TANC2: variants seen among roughly 807,000 people sequenced by gnomAD.
TANC2 encodes protein TANC2.
In TANC2, 26 loss-of-function variants were observed where a neutral mutation model predicts 210.5. That is an observed-to-expected ratio of 0.12 (90% CI 0.09 to 0.17). The LOEUF (loss-of-function observed/expected upper bound fraction) is 0.17. Among genes scored for constraint, TANC2 ranks in the 10% least tolerant of loss-of-function variants. The pLI is 1.00. For missense variants in TANC2, 2,129 were observed against 2,608.9 expected (o/e 0.82, Z 4.01); for synonymous variants, 931 against 967.1 (o/e 0.96, Z 0.69).
intron 2 of TANC2, among the ~76,000 whole-genome samples, chr17:63,042,959 C>T (rs2035246455): frequency 6.6e-6 from 1 of 151,986 alleles, no homozygotes. Flanking sequence ...TACAAAGTAA[C>T]AACATCCATA....
intron 2 of TANC2, among the ~76,000 whole-genome samples, chr17:63,010,234 A>G (rs2033804825): frequency 6.6e-6 from 1 of 152,094 alleles, no homozygotes. Context: ...CAGTTTATAA[A>G]TTTATATTGG....
chr17:63,253,457 T>C (rs1198878450), intron 8 of TANC2, among the ~76,000 whole-genome samples: 1 of 152,220 alleles, frequency 6.6e-6, no homozygotes, highest in East Asian at 1.9e-4. Flanking sequence ...TGATCCTATT[T>C]GTTCATTTTT....
At position 63,406,294 on chromosome 17, in the gene TANC2, T is replaced by C. The variant is rs996888115; in HGVS notation, c.3589+17T>C. On this transcript the variant is annotated intron_variant, in intron 21 of 27. Coordinates refer to ENST00000689528, the Ensembl canonical transcript of TANC2. ...TTGCACAAGGTTAGTCTTGGAATGC[T>C]AGAGCTGGCTGGCCAGTTTCCATAA... The C allele has an allele frequency of 1.2e-6, 2 of 1,611,430 alleles. No individual in the cohort carries two copies. Among genetic ancestry groups the C allele is most frequent in the African/African-American group, 2.7e-5 (2 of 74,874 alleles).
At chr17:63,372,428 A>G (rs1447868520) in intron 14 of TANC2, among the ~76,000 whole-genome samples, 2 of 152,238 alleles carry the variant, frequency 1.3e-5, no homozygotes, top group Non-Finnish European at 2.9e-5. Flanking sequence ...TGCTACACAC[A>G]TTAAAGACTA....
chr17:63,137,360 G>A (rs2039126042), intron 4 of TANC2, among the ~76,000 whole-genome samples: 1 of 152,174 alleles, frequency 6.6e-6, no homozygotes, highest in Non-Finnish European at 1.5e-5. Flanking sequence ...CTTTTGTGTT[G>A]TATACTTCAA....
chr17:63,226,552 C>A (rs772465555), intron 7 of TANC2, among the ~76,000 whole-genome samples: 8 of 152,170 alleles, frequency 5.3e-5, no homozygotes, highest in Non-Finnish European at 1.2e-4. Context: ...CGGAGATCAG[C>A]AAACACTGCA....
At chr17:63,166,957 CA>C (rs2040230646) in intron 5 of TANC2, among the ~76,000 whole-genome samples, 1 of 151,864 alleles carries the variant, frequency 6.6e-6, no homozygotes, top group South Asian at 2.1e-4. Context: ...AAAAAGGAGA[CA>C]GAAGCTTAGG....
intron 6 of TANC2, among the ~76,000 whole-genome samples, chr17:63,194,803 C>T (rs2041290194): frequency 6.6e-6 from 1 of 151,810 alleles, no homozygotes; most frequent in Non-Finnish European, 1.5e-5. Context: ...AAGTATCCGT[C>T]TCAGAAAGTT....
chr17:63,205,344 C>CAAAAAAAAAAAAAAAAAAAAAAAA (rs1158768609), intron 7 of TANC2, among the ~76,000 whole-genome samples: 1 of 8,070 alleles, frequency 1.2e-4, no homozygotes, highest in African/African-American at 5.3e-4. Context: ...ACCAAGGAGG[C>CAAAAAAAAAAAAAAAAAAAAAAAA]AAAAAAAAAA....
chr17:63,110,921 G>T (rs962098335), intron 4 of TANC2, among the ~76,000 whole-genome samples: 1 of 152,168 alleles, frequency 6.6e-6, no homozygotes, highest in Non-Finnish European at 1.5e-5. Context: ...CTTATTAACT[G>T]TATGACCTTG....
intron 2 of TANC2, among the ~76,000 whole-genome samples, chr17:63,059,185 T>C (rs1568352289): frequency 6.6e-6 from 1 of 152,220 alleles, no homozygotes; most frequent in Non-Finnish European, 1.5e-5. Context: ...CTGTAGAATT[T>C]CCTTCAGTCT....
intron 2 of TANC2, among the ~76,000 whole-genome samples, chr17:63,071,775 A>G (rs1260733401): frequency 6.6e-6 from 1 of 152,188 alleles, no homozygotes; most frequent in African/African-American, 2.4e-5. Context: ...CTGTAAAGGA[A>G]TAATTGCTAT....
chr17:63,214,882 A>G (rs547992821), intron 7 of TANC2, among the ~76,000 whole-genome samples: 2 of 152,294 alleles, frequency 1.3e-5, no homozygotes, highest in Admixed American at 6.5e-5. Context: ...AGATGATGCA[A>G]TGATGCTCTC....
At chr17:63,078,507 T>C (rs971438411) in intron 3 of TANC2, among the ~76,000 whole-genome samples, 3 of 152,144 alleles carry the variant, frequency 2.0e-5, no homozygotes, top group African/African-American at 4.8e-5. Flanking sequence ...TCTGGGGTCA[T>C]TGATATGAAA....
chr17:63,289,615 A>G (rs576727970), intron 9 of TANC2, among the ~76,000 whole-genome samples: 9 of 152,138 alleles, frequency 5.9e-5, no homozygotes, highest in Non-Finnish European at 1.3e-4. Flanking sequence ...TACTTTATCC[A>G]TTAGCGCCTT....
chr17:63,062,110 A>G (rs1455834232), intron 2 of TANC2, among the ~76,000 whole-genome samples: 7 of 151,994 alleles, frequency 4.6e-5, no homozygotes, highest in African/African-American at 9.7e-5. Context: ...GTGTAGTTTC[A>G]TTGGAGGTAT....
chr17:63,385,088 G>T (rs2047735979), intron 15 of TANC2, among the ~76,000 whole-genome samples: 1 of 152,154 alleles, frequency 6.6e-6, no homozygotes. Context: ...TAGGGCTGTT[G>T]TGAAGATTAG....
chr17:63,014,848 A>G (rs1030541073), intron 2 of TANC2, among the ~76,000 whole-genome samples: 3 of 152,112 alleles, frequency 2.0e-5, no homozygotes, highest in African/African-American at 7.2e-5. Context: ...TTTTCACACA[A>G]ATTGTTTACA....
At chr17:63,015,425 G>T (rs577761264) in intron 2 of TANC2, among the ~76,000 whole-genome samples, 1 of 151,938 alleles carries the variant, frequency 6.6e-6, no homozygotes, top group South Asian at 2.1e-4. Flanking sequence ...CTATTAACTC[G>T]TCATTTACAT....
Sources: allele counts gnomAD v4.1 joint callset (sites outside exome capture counted in the v4.1 genomes callset), GRCh38; gene constraint gnomAD v4.1.1; transcripts MANE v1.5; gene names NCBI Gene and HGNC (gene_info 2026-07-23, HGNC 2026-07-21).